DTL: variants seen among roughly 807,000 people sequenced by gnomAD.
DTL encodes denticleless E3 ubiquitin protein ligase adapter, also known as denticleless protein homolog.
DTL carries 46 observed loss-of-function variants against 87.0 expected under a neutral mutation model. The observed-to-expected ratio is 0.53, with a 90% CI of 0.42 to 0.68. DTL has a LOEUF of 0.68. DTL is among the 30% of genes least tolerant of loss of function. The pLI is 0.00. For missense variants in DTL, 737 were observed against 869.4 expected, an observed-to-expected ratio of 0.85 and a Z score of 1.91; for synonymous variants, 308 against 311.2, an observed-to-expected ratio of 0.99 and a Z score of 0.11.
At chr1:212,065,983 C>T (rs960329432) in intron 7 of DTL, among the ~76,000 whole-genome samples, 4 of 152,102 alleles carry the variant, frequency 2.6e-5, no homozygotes, top group South Asian at 2.1e-4. Flanking sequence ...TGAGCCACCA[C>T]GCCTGGCCAG....
intron 11 of DTL, among the ~76,000 whole-genome samples, chr1:212,076,927 G>A (rs1230284344): frequency 1.3e-5 from 2 of 152,152 alleles, no homozygotes; most frequent in Non-Finnish European, 2.9e-5. Context: ...GTTAGACTCT[G>A]CTCTTTGTCT....
chr1:212,048,189 TTTTGTTTG>T (rs1177830534), intron 5 of DTL, among the ~76,000 whole-genome samples: 3 of 152,080 alleles, frequency 2.0e-5, no homozygotes, highest in African/African-American at 4.8e-5. Context: ...GTTTTTTGTT[TTTTGTTTG>T]TTTGTTTGTT....
chr1:212,097,238 T>A (rs1655477439), intron 13 of DTL, among the ~76,000 whole-genome samples: 1 of 152,228 alleles, frequency 6.6e-6, no homozygotes, highest in Non-Finnish European at 1.5e-5. Context: ...AGGTTTTTCC[T>A]TTACAGGTTA....
chr1:212,056,247 C>G (rs904771756), intron 5 of DTL, among the ~76,000 whole-genome samples: 1 of 152,138 alleles, frequency 6.6e-6, no homozygotes, highest in African/African-American at 2.4e-5. Context: ...GCCTTGGGGC[C>G]AAAGGACACA....
chr1:212,100,247 T>C lies in DTL; in HGVS notation c.1262-5T>C. On this transcript the variant is annotated splice_polypyrimidine_tract_variant and splice_region_variant and intron_variant, in intron 13 of 14. Transcript: ENST00000366991. ...TGATCTTCATGATCCTCTCCTCTTT[T>C]TCAGTAACAGTAACGAGTAGCCAGA... 6.6e-7 allele frequency: 1 copy of C among 1,526,098 alleles called. No individual in the cohort carries two copies. Among genetic ancestry groups the C allele is most frequent in the Non-Finnish European group, 8.8e-7 (1 of 1,137,256 alleles). 94.5% of individuals were successfully genotyped at this position (1,526,098 alleles called of 1,614,324 possible).
At position 212,080,659 on chromosome 1, in the gene DTL, GA is replaced by G; in HGVS notation, c.1172del (p.Asn391IlefsTer4). ...DDNTLKIWRL[N>X]RGLEEKPGGD... Reference sequence around the variant, plus strand: ...ACAATACACTAAAAATCTGGCGCTTGAATAGAGGCTTAGAGGAGAAACCAGG... The same window carrying G: ...ACAATACACTAAAAATCTGGCGCTTGATAGAGGCTTAGAGGAGAAACCAGG... On this transcript the variant is annotated frameshift_variant, in exon 13 of 15. Coordinates refer to ENST00000366991, the MANE Select transcript of DTL (RefSeq NM_016448.4). LOFTEE classifies it high-confidence loss of function. 1 of 1,613,620 alleles carries G rather than the reference GA, an allele frequency of 6.2e-7. No homozygotes were observed. The highest frequency in any genetic ancestry group is 8.5e-7 in the Non-Finnish European group (1 of 1,179,628).
At chr1:212,074,491 G>C (rs1654771298) in intron 11 of DTL, among the ~76,000 whole-genome samples, 1 of 151,970 alleles carries the variant, frequency 6.6e-6, no homozygotes, top group African/African-American at 2.4e-5. Context: ...TCCTAGGCTG[G>C]GTCACATGTC....
At chr1:212,065,076 A>G (rs1335373937) in intron 7 of DTL, 47 bp downstream of exon 7, 1 of 1,331,850 alleles carries the variant, frequency 7.5e-7, no homozygotes, top group African/African-American at 1.4e-5. Flanking sequence ...TATCTGTAGG[A>G]TAGAATAAAT....
At position 212,100,366 on chromosome 1, in the gene DTL, C is replaced by T; in HGVS notation, c.1376C>T (p.Pro459Leu). 6.2e-7 allele frequency: 1 copy of T among 1,613,916 alleles called. No individual in the cohort carries two copies. The highest frequency in any genetic ancestry group is 8.5e-7 in the Non-Finnish European group (1 of 1,179,972). The part of the protein sequence containing the change: ...ACAPSCAGDL[P>L]LPSNTPTFSI... ...GCCCCAAGCTGTGCTGGAGACCTCC[C>T]TCTTCCTTCAAATACTCCTACGTTC... is the stretch of plus-strand genomic sequence containing the variant. The change falls in exon 14 of 15, where the codon CCT becomes CTT. Residue 459 changes from proline to leucine, a missense_variant. Pro to Leu is a moderately conservative substitution (Grantham distance 98). Coordinates refer to ENST00000366991, the MANE Select transcript of DTL (RefSeq NM_016448.4).
At position 212,103,595 on chromosome 1, in the gene DTL, A is replaced by G. The variant is rs1655687573; in HGVS notation, c.*655A>G. On this transcript the variant is annotated 3_prime_UTR_variant, in exon 15 of 15. Transcript: ENST00000366991. Reference sequence around the variant, plus strand: ...ACTCTTCGGAGAAACTAGGAGAACAACAACAGAAAGCTGTGTTTGTCTTTT... The same window carrying G: ...ACTCTTCGGAGAAACTAGGAGAACAGCAACAGAAAGCTGTGTTTGTCTTTT... 6.6e-6 allele frequency: 1 copy of G among 152,230 alleles called. No homozygotes were observed. The highest frequency in any genetic ancestry group is 2.1e-4 in the South Asian group (1 of 4,830). 9.4% of individuals were successfully genotyped at this position (152,230 alleles called of 1,614,324 possible). A position where few individuals can be genotyped will look rare whatever the true frequency, so the allele number is the denominator to read the frequency against.
chr1:212,092,285 A>G (rs895819983), intron 13 of DTL, among the ~76,000 whole-genome samples: 3 of 152,236 alleles, frequency 2.0e-5, no homozygotes, highest in African/African-American at 7.2e-5. Context: ...CTGTAATCCT[A>G]GCACTTTGGG....
chr1:212,065,432 A>G (rs895760764), intron 7 of DTL, among the ~76,000 whole-genome samples: 5 of 152,126 alleles, frequency 3.3e-5, no homozygotes, highest in African/African-American at 1.2e-4. Context: ...ACTATGTATA[A>G]TGATCAAATC....
At chr1:212,067,630 A>G (rs1396389901) in intron 8 of DTL, among the ~76,000 whole-genome samples, 3 of 152,196 alleles carry the variant, frequency 2.0e-5, no homozygotes, top group African/African-American at 2.4e-5. Context: ...AGGATTATCT[A>G]AAGGTTATTA....
chr1:212,057,391 C>T (rs1357671571), intron 5 of DTL, among the ~76,000 whole-genome samples: 1 of 148,726 alleles, frequency 6.7e-6, no homozygotes. Context: ...CCCAAGAATA[C>T]TACACCCAGT....
At chr1:212,083,652 A>C (rs939039735) in intron 13 of DTL, among the ~76,000 whole-genome samples, 7 of 152,214 alleles carry the variant, frequency 4.6e-5, no homozygotes, top group Non-Finnish European at 8.8e-5. Context: ...CTGAGAAACC[A>C]AGGTATTGGA....
At chr1:212,041,019 G>A (rs934416333) in intron 1 of DTL, among the ~76,000 whole-genome samples, 1 of 152,212 alleles carries the variant, frequency 6.6e-6, no homozygotes, top group Admixed American at 6.5e-5. Context: ...TCATGTTCTT[G>A]TATACTACTT....
intron 13 of DTL, among the ~76,000 whole-genome samples, chr1:212,090,774 T>C (rs181895596): frequency 6.6e-6 from 1 of 152,356 alleles, no homozygotes; most frequent in Non-Finnish European, 1.5e-5. Context: ...TGGGAAGCCA[T>C]GTGAGGCCTG....
intron 5 of DTL, among the ~76,000 whole-genome samples, chr1:212,055,130 G>A (rs1571949929): frequency 6.6e-6 from 1 of 150,636 alleles, no homozygotes; most frequent in Admixed American, 6.6e-5. Context: ...AGAACACTGG[G>A]ATTCAACAGA....
chr1:212,044,805 C>A, intron 3 of DTL, 47 bp downstream of exon 3: 1 of 1,092,480 alleles, frequency 9.2e-7, no homozygotes, highest in Non-Finnish European at 1.4e-6. Context: ...AAAAACTTTA[C>A]ACATCCTCAA....
Sources: allele counts gnomAD v4.1 joint callset (sites outside exome capture counted in the v4.1 genomes callset), GRCh38; gene constraint gnomAD v4.1.1; transcripts MANE v1.5; gene names NCBI Gene and HGNC (gene_info 2026-07-23, HGNC 2026-07-21).